The following LOC400499 variants were observed in gnomAD, a reference collection of about 807,000 sequenced individuals.
At chr16:11,489,179 G>T in the LOC400499 span, among the ~76,000 whole-genome samples, 1 of 152,198 alleles carries the variant, frequency 6.6e-6, no homozygotes, top group African/African-American at 2.4e-5. Flanking sequence ...AAACCTGTGT[G>T]ACCTTGGGGT....
At chr16:11,452,684 G>A in the LOC400499 span, among the ~76,000 whole-genome samples, 1 of 152,104 alleles carries the variant, frequency 6.6e-6, no homozygotes, top group African/African-American at 2.4e-5. Flanking sequence ...TGAGGACAGG[G>A]CCAGGGCTGG....
the LOC400499 span, among the ~76,000 whole-genome samples, chr16:11,426,045 A>C: frequency 6.6e-6 from 1 of 152,214 alleles, no homozygotes; most frequent in Non-Finnish European, 1.5e-5. Context: ...CCGAAGTCCA[A>C]TTTAATTCAC....
the LOC400499 span, among the ~76,000 whole-genome samples, chr16:11,450,248 C>T: frequency 3.3e-5 from 5 of 152,260 alleles, no homozygotes; most frequent in South Asian, 1.0e-3. Context: ...AACATCATGA[C>T]AGTCAGTAGT....
the LOC400499 span, among the ~76,000 whole-genome samples, chr16:11,386,391 C>T: frequency 8.5e-5 from 13 of 152,354 alleles, no homozygotes; most frequent in Non-Finnish European, 4.4e-5. Flanking sequence ...ACAGAGAAGC[C>T]CACGGTCACA....
At chr16:11,502,489 G>A in the LOC400499 span, among the ~76,000 whole-genome samples, 1 of 152,190 alleles carries the variant, frequency 6.6e-6, no homozygotes, top group Non-Finnish European at 1.5e-5. Context: ...CATAGTGTCT[G>A]AATCTGTGGC....
the LOC400499 span, among the ~76,000 whole-genome samples, chr16:11,471,076 C>G: frequency 2.0e-5 from 3 of 152,120 alleles, no homozygotes; most frequent in Non-Finnish European, 4.4e-5. Flanking sequence ...TTAAGGGTAA[C>G]AGAAGCCATA....
At chr16:11,487,006 T>A in the LOC400499 span, among the ~76,000 whole-genome samples, 1 of 150,366 alleles carries the variant, frequency 6.7e-6, no homozygotes, top group African/African-American at 2.5e-5. Context: ...GGGATGTGCG[T>A]GGATGGACGG....
chr16:11,481,264 T>C, the LOC400499 span, among the ~76,000 whole-genome samples: 1 of 152,216 alleles, frequency 6.6e-6, no homozygotes, highest in Non-Finnish European at 1.5e-5. Context: ...AAAAATGTTC[T>C]GGAACGAGAC....
the LOC400499 span, chr16:11,478,063 A>C: frequency 2.5e-6 from 1 of 395,462 alleles, no homozygotes; most frequent in Non-Finnish European, 4.5e-6. Flanking sequence ...CTGTAATCCC[A>C]GCACTTTGGG....
At chr16:11,378,807 C>T in the LOC400499 span, among the ~76,000 whole-genome samples, 3 of 152,344 alleles carry the variant, frequency 2.0e-5, no homozygotes, top group Admixed American at 6.5e-5. Flanking sequence ...TGAAGCCTAA[C>T]ATACAATCTT....
At chr16:11,391,418 C>G in the LOC400499 span, among the ~76,000 whole-genome samples, 1 of 152,186 alleles carries the variant, frequency 6.6e-6, no homozygotes, top group East Asian at 1.9e-4. Flanking sequence ...ACCTAGGCAG[C>G]AGGCATAAGG....
the LOC400499 span, among the ~76,000 whole-genome samples, chr16:11,394,673 T>A: frequency 6.6e-6 from 1 of 152,142 alleles, no homozygotes; most frequent in Admixed American, 6.5e-5. Flanking sequence ...ACACACCCAA[T>A]GAATGCTGTC....
chr16:11,429,493 G>C, the LOC400499 span, among the ~76,000 whole-genome samples: 1 of 152,174 alleles, frequency 6.6e-6, no homozygotes, highest in Non-Finnish European at 1.5e-5. Context: ...TATTTTTTGA[G>C]ACAGAGTCTC....
the LOC400499 span, among the ~76,000 whole-genome samples, chr16:11,511,921 A>G: frequency 0.59 from 88,604 of 151,336 alleles, 26,281 homozygotes; most frequent in Admixed American, 0.66. Flanking sequence ...GGAGGCTGAC[A>G]CTGGGGGAAC....
chr16:11,416,732 T>A, the LOC400499 span, among the ~76,000 whole-genome samples: 7 of 152,052 alleles, frequency 4.6e-5, no homozygotes, highest in South Asian at 1.5e-3. Flanking sequence ...GAAAAATACC[T>A]AAGGGAGGTG....
the LOC400499 span, among the ~76,000 whole-genome samples, chr16:11,396,973 C>G: frequency 2.0e-5 from 3 of 152,182 alleles, no homozygotes; most frequent in Non-Finnish European, 4.4e-5. Flanking sequence ...CTGCAGGGCT[C>G]ACACTCACCA....
At chr16:11,430,468 G>A in the LOC400499 span, among the ~76,000 whole-genome samples, 1 of 151,784 alleles carries the variant, frequency 6.6e-6, no homozygotes, top group Non-Finnish European at 1.5e-5. Flanking sequence ...CCAGCCTGGG[G>A]GACAAGAGCA....
the LOC400499 span, among the ~76,000 whole-genome samples, chr16:11,480,433 C>T: frequency 5.9e-5 from 9 of 152,170 alleles, no homozygotes; most frequent in African/African-American, 2.2e-4. Context: ...CGAACCAATG[C>T]CCCAACCGTC....
the LOC400499 span, among the ~76,000 whole-genome samples, chr16:11,386,542 G>A: frequency 6.6e-6 from 1 of 152,208 alleles, no homozygotes; most frequent in Non-Finnish European, 1.5e-5. Context: ...CCTGGGTACC[G>A]GGGTTCCCCC....
Sources: gnomAD v4.1 joint callset for allele counts (sites outside exome capture counted in the v4.1 genomes callset) on GRCh38, gnomAD v4.1.1 for gene constraint, MANE v1.5 for transcripts.